Variants in LYZ observed in about 807,000 individuals in gnomAD.
LYZ encodes lysozyme, also known as lysozyme C.
LYZ carries 18 observed loss-of-function variants against 15.8 expected under a neutral mutation model. The ratio of observed to expected loss-of-function variants is 1.14; its 90% CI spans 0.79 to 1.69. LYZ has a LOEUF of 1.69. Ranked by LOEUF, LYZ falls within the 40% of genes most tolerant of loss-of-function variation. The pLI is 0.00. For missense variants in LYZ, 139 were observed against 182.8 expected (o/e 0.76, Z 1.38); for synonymous variants, 60 against 61.7 (o/e 0.97, Z 0.13).
In LYZ at chr12:69,353,400, T is replaced by G; in HGVS notation, c.*181T>G. On this transcript the variant is annotated 3_prime_UTR_variant, in exon 4 of 4. Transcript: ENST00000261267. ...GTTCACTAATGTGGTTATTTTACAT[T>G]AAGCCTACAACATTTTTCAGTTTGC... The G allele has an allele frequency of 1.5e-6, 1 of 661,946 alleles. No homozygotes were observed. The highest frequency in any genetic ancestry group is 1.7e-5 in the South Asian group (1 of 59,228). The allele number at this position is 661,946 out of a possible 1,614,324, so 41.0% of individuals were successfully genotyped here. A position where few individuals can be genotyped will look rare whatever the true frequency, so the allele number is the denominator to read the frequency against.
intron 1 of LYZ, 71 bp from the exon 2 acceptor site, chr12:69,350,037 A>T: frequency 7.9e-7 from 1 of 1,262,244 alleles, no homozygotes; most frequent in Non-Finnish European, 1.2e-6. Flanking sequence ...GTAGCTAAGT[A>T]GAACTGATTT....
At position 69,352,208 on chromosome 12, in the gene LYZ, C is replaced by T. The variant is rs532333761; in HGVS notation, c.302-12C>T. The T allele has an allele frequency of 6.2e-7, 1 of 1,602,362 alleles. No homozygotes were observed. Among genetic ancestry groups the T allele is most frequent in the Admixed American group, 1.7e-5 (1 of 59,998 alleles). ...CTATTAAAGTTTTTATTCCTTACCA[C>T]CTGTCTTTCAGCTTTGCTGCAAGAT... is the stretch of plus-strand genomic sequence containing the variant. On this transcript the variant is annotated splice_polypyrimidine_tract_variant and intron_variant, in intron 2 of 3. Coordinates refer to ENST00000261267, the MANE Select transcript of LYZ (RefSeq NM_000239.3).
chr12:69,348,823 C>T (rs1256259602), intron 1 of LYZ, among the ~76,000 whole-genome samples: 1 of 152,030 alleles, frequency 6.6e-6, no homozygotes, highest in East Asian at 1.9e-4. Context: ...GATTCAATGG[C>T]ACATGTAAGC....
Position 69,348,545 on chromosome 12 carries a change from G to C in LYZ, c.136+1G>C. The C allele has an allele frequency of 1.2e-6, 2 of 1,614,184 alleles. No individual in the cohort carries two copies. Among genetic ancestry groups the C allele is most frequent in the South Asian group, 1.1e-5 (1 of 91,086 alleles). ...TACAGGGGAATCAGCCTAGCAAACTGTAAGTCTACTCTCCATAATTCCAGA... is the reference window on the plus strand; with the variant it reads ...TACAGGGGAATCAGCCTAGCAAACTCTAAGTCTACTCTCCATAATTCCAGA... On this transcript the variant is annotated splice_donor_variant, in intron 1 of 3. Coordinates refer to ENST00000261267, the MANE Select transcript of LYZ (RefSeq NM_000239.3). LOFTEE classifies it high-confidence loss of function.
At chr12:69,352,085 A>C in intron 2 of LYZ, 135 bp from the exon 3 acceptor site, 2 of 621,176 alleles carry the variant, frequency 3.2e-6, no homozygotes, top group South Asian at 3.8e-5. Context: ...TTTCCCCAAC[A>C]ATTACACATA....
At chr12:69,348,788 G>T (rs2120823445) in intron 1 of LYZ, among the ~76,000 whole-genome samples, 1 of 152,260 alleles carries the variant, frequency 6.6e-6, no homozygotes, top group South Asian at 2.1e-4. Context: ...CTGTTCTAGT[G>T]CTAGGAAGTT....
rs1164212028 is a variant in LYZ at position 69,350,377 on chromosome 12, C to T, written c.301+105C>T. The T allele has an allele frequency of 9.1e-6, 10 of 1,094,052 alleles. No homozygotes were observed. The African/African-American group carries it at 9.3e-5, about 10-fold the overall frequency. 67.8% of individuals were successfully genotyped at this position (1,094,052 alleles called of 1,614,324 possible). On this transcript the variant is annotated intron_variant, in intron 2 of 3. Coordinates refer to ENST00000261267, the MANE Select transcript of LYZ (RefSeq NM_000239.3). ...GTTCATGAGGGACCTAGAAAAACTA[C>T]ATCTCAACTTCCAGAAAGTCATTAT...
intron 1 of LYZ, among the ~76,000 whole-genome samples, chr12:69,349,111 C>T (rs925856536): frequency 5.3e-5 from 8 of 152,286 alleles, no homozygotes; most frequent in South Asian, 2.1e-4. Flanking sequence ...AAGTGATTCT[C>T]GTGCTTCAGC....
At chr12:69,350,892 G>GCCTC (rs1420842299) in intron 2 of LYZ, among the ~76,000 whole-genome samples, 2 of 151,474 alleles carry the variant, frequency 1.3e-5, no homozygotes, top group African/African-American at 4.8e-5. Context: ...TCCCACCACA[G>GCCTC]CCTCCCAAGT....
intron 1 of LYZ, 69 bp from the exon 2 acceptor site, chr12:69,350,039 A>G: frequency 2.3e-6 from 3 of 1,291,488 alleles, no homozygotes; most frequent in Non-Finnish European, 3.4e-6. Flanking sequence ...AGCTAAGTAG[A>G]ACTGATTTTG....
At chr12:69,348,944 T>C (rs954498103) in intron 1 of LYZ, among the ~76,000 whole-genome samples, 4 of 152,170 alleles carry the variant, frequency 2.6e-5, no homozygotes, top group African/African-American at 9.7e-5. Flanking sequence ...AGTGATGCAG[T>C]ATTTTTCTTG....
intron 2 of LYZ, chr12:69,350,651 T>C (rs985640988): frequency 3.2e-5 from 7 of 219,588 alleles, no homozygotes; most frequent in South Asian, 1.3e-4. Flanking sequence ...TATAGAAAAT[T>C]AGAGACATTA....
chr12:69,352,263 G>A lies in LYZ; in HGVS notation c.345G>A (p.Lys115=), dbSNP rs1210738913. 1 of 1,613,972 alleles carries A rather than the reference G, an allele frequency of 6.2e-7. No individual in the cohort carries two copies. Among genetic ancestry groups the A allele is most frequent in the Admixed American group, 1.7e-5 (1 of 60,002 alleles). Residue 115 remains lysine (K), a synonymous_variant, in exon 3 of 4, where the codon AAG becomes AAA. Transcript: ENST00000261267. ...TCGCTGATGCTGTAGCTTGTGCAAA[G>A]AGGGTTGTCCGTGATCCACAAGGCA... ...DNIADAVACA[K]RVVRDPQGIR...
intron 3 of LYZ, 59 bp downstream of exon 3, chr12:69,352,357 A>G: frequency 1.4e-6 from 2 of 1,405,464 alleles, no homozygotes; most frequent in South Asian, 2.4e-5. Flanking sequence ...ATATACAATG[A>G]GAGCAGACTT....
chr12:69,348,445 T>G lies in LYZ; in HGVS notation c.37T>G (p.Ser13Ala). ...CATTGTTCTGGGGCTTGTCCTCCTT[T>G]CTGTTACGGTCCAGGGCAAGGTCTT... ...ALIVLGLVLL[S>A]VTVQGKVFER... Residue 13 changes from serine (S) to alanine (A), a missense_variant, in exon 1 of 4, where the codon TCT (serine) becomes GCT (alanine). By Grantham distance (99) the Ser-to-Ala change is moderately conservative (BLOSUM62 1). Coordinates refer to ENST00000261267, the MANE Select transcript of LYZ (RefSeq NM_000239.3). 6.2e-7 allele frequency: 1 copy of G among 1,614,196 alleles called. No individual in the cohort carries two copies. Among genetic ancestry groups the G allele is most frequent in the African/African-American group, 1.3e-5 (1 of 75,052 alleles).
chr12:69,350,424 A>G (rs1874817923), intron 2 of LYZ, 152 bp downstream of exon 2: 1 of 743,262 alleles, frequency 1.3e-6, no homozygotes. Context: ...TAATTCCCTG[A>G]GTAAGAAATT....
intron 2 of LYZ, 76 bp downstream of exon 2, chr12:69,350,348 A>G: frequency 6.6e-7 from 1 of 1,513,976 alleles, no homozygotes; most frequent in African/African-American, 1.4e-5. Context: ...AAAAGCCTTG[A>G]AAGGTTCATG....
chr12:69,350,049 G>A, intron 1 of LYZ, 59 bp from the exon 2 acceptor site: 1 of 1,407,820 alleles, frequency 7.1e-7, no homozygotes, highest in African/African-American at 1.4e-5. Context: ...AACTGATTTT[G>A]CTATAGAGTA....
intron 1 of LYZ, among the ~76,000 whole-genome samples, chr12:69,349,001 T>C (rs1372711404): frequency 3.9e-5 from 6 of 152,038 alleles, no homozygotes; most frequent in Non-Finnish European, 5.9e-5. Flanking sequence ...TTTATTTTTA[T>C]TTTATTTTAT....
Sources: gnomAD v4.1 joint callset for allele counts (sites outside exome capture counted in the v4.1 genomes callset) on GRCh38, gnomAD v4.1.1 for gene constraint, MANE v1.5 for transcripts, NCBI Gene and HGNC (gene_info 2026-07-23, HGNC 2026-07-21) for gene names.